Variants in NOTCH2NLR observed in about 807,000 individuals in gnomAD.
NOTCH2NLR encodes notch 2 N-terminal like R.
In NOTCH2NLR, 33 loss-of-function variants were observed where a neutral mutation model predicts 35.6. The ratio of observed to expected loss-of-function variants is 0.93; its 90% CI spans 0.70 to 1.24. The LOEUF is 1.24. Ranked by LOEUF, NOTCH2NLR falls within the 50% of genes most tolerant of loss-of-function variation. The probability of loss-of-function intolerance (pLI) is 0.00; values close to 1 mark genes in which losing one functional copy is unlikely to be tolerated. For missense variants in NOTCH2NLR, 276 were observed against 362.2 expected, an observed-to-expected ratio of 0.76 and a Z score of 1.93; for synonymous variants, 103 against 141.0, an observed-to-expected ratio of 0.73 and a Z score of 1.91.
chr1:120,763,480 G>A lies in NOTCH2NLR; in HGVS notation c.74-148G>A. On this transcript the variant is annotated intron_variant, in intron 1 of 4. Coordinates refer to ENST00000624419, the Ensembl canonical transcript of NOTCH2NLR. Reference sequence around the variant, plus strand: ...TTTGGGATGGGCTTCTGTGCTAGAAGCCAGAACATAAAAAACTGATTAAAA... The same window carrying A: ...TTTGGGATGGGCTTCTGTGCTAGAAACCAGAACATAAAAAACTGATTAAAA... The A allele has an allele frequency of 2.9e-5, 13 of 446,734 alleles. 2 individuals are homozygous for A. Among genetic ancestry groups the A allele is most frequent in the Non-Finnish European group, 3.2e-5 (8 of 252,684 alleles). 27.7% of individuals were successfully genotyped at this position (446,734 alleles called of 1,614,324 possible).
In NOTCH2NLR at chr1:120,726,855, T is replaced by C; in HGVS notation, c.73+2605T>C. Among the ~76,000 whole-genome samples the C allele has an allele frequency of 1.8e-5, 2 of 113,616 alleles. 1 individual carries two copies. The highest frequency in any genetic ancestry group is 3.4e-5 in the Non-Finnish European group (2 of 59,656). 74.5% of individuals were successfully genotyped at this position (113,616 alleles called of 152,430 possible). The stretch of plus-strand genomic sequence containing the variant: ...TATTTACCCATAACTTCTTGGGATC[T>C]CTCTGCTCCATTCCCACCCTACTGC... On this transcript the variant is annotated intron_variant, in intron 1 of 4. Transcript: ENST00000624419.
At chr1:120,726,404 TTTA>T (rs1483803930) in intron 1 of NOTCH2NLR, among the ~76,000 whole-genome samples, 1 of 61,026 alleles carries the variant, frequency 1.6e-5, no homozygotes. Context: ...ATCCTCCTAA[TTTA>T]TTATTGTGTT....
At chr1:120,724,048 G>A in exon 1 of NOTCH2NLR, 1 of 1,277,894 alleles carries the variant, frequency 7.8e-7, no homozygotes, top group Non-Finnish European at 9.9e-7. Flanking sequence ...TAGCGCCAGG[G>A]CCTGAGCCTT....
chr1:120,793,356 C>T lies in NOTCH2NLR; in HGVS notation c.611C>T (p.Ser204Phe). The change falls in exon 4 of 5, where the codon TCC becomes TTC. Residue 204 changes from serine to phenylalanine, a missense_variant. By Grantham distance (155) the Ser-to-Phe change is radical (BLOSUM62 -2). Coordinates refer to ENST00000624419, the Ensembl canonical transcript of NOTCH2NLR. ...GGCACCTGCCTCAACCTGCCTGGTT[C>T]CTACCAGTGCCAGTGCCTTCAGGGC... The T allele has an allele frequency of 1.4e-6, 2 of 1,421,498 alleles. 1 individual carries two copies. Among genetic ancestry groups the T allele is most frequent in the South Asian group, 2.4e-5 (2 of 82,568 alleles). The allele number at this position is 1,421,498 out of a possible 1,614,324, so 88.1% of individuals were successfully genotyped here. A position where few individuals can be genotyped will look rare whatever the true frequency, so the allele number is the denominator to read the frequency against.
In NOTCH2NLR at chr1:120,748,145, T is replaced by G. The variant is rs1215530300; in HGVS notation, c.74-15483T>G. Reference sequence around the variant, plus strand: ...TTTTTTTTTTTTTTTTTTTAAAGTCTTTCCACCTTAACTAGCAAGTAAGCT... The same window carrying G: ...TTTTTTTTTTTTTTTTTTTAAAGTCGTTCCACCTTAACTAGCAAGTAAGCT... On this transcript the variant is annotated intron_variant, in intron 1 of 4. Transcript: ENST00000624419. Among the ~76,000 whole-genome samples, 135 of 47,066 alleles carry G rather than the reference T, an allele frequency of 2.9e-3. 10 individuals carry two copies. The highest frequency in any genetic ancestry group is 0.02 in the African/African-American group (131 of 6,414). 30.9% of individuals were successfully genotyped at this position (47,066 alleles called of 152,430 possible).
intron 1 of NOTCH2NLR, among the ~76,000 whole-genome samples, chr1:120,730,495 G>C (rs1466679194): frequency 1.2e-5 from 1 of 81,768 alleles, no homozygotes; most frequent in Non-Finnish European, 2.1e-5. Context: ...GAAGGAAGTG[G>C]CTTCAGATCT....
At chr1:120,752,567 TTTTTTTTC>T (rs1651035047) in intron 1 of NOTCH2NLR, among the ~76,000 whole-genome samples, 1 of 29,492 alleles carries the variant, frequency 3.4e-5, no homozygotes, top group Non-Finnish European at 5.5e-5. Context: ...TTTTTTTTTT[TTTTTTTTC>T]TTTTTTTTTT....
intron 2 of NOTCH2NLR, among the ~76,000 whole-genome samples, chr1:120,765,693 C>T (rs1280949143): frequency 9.5e-6 from 1 of 105,686 alleles, no homozygotes; most frequent in Non-Finnish European, 1.9e-5. Context: ...GTGTTTACTG[C>T]AGCACTATTT....
rs1162009998 is a variant in NOTCH2NLR, at chr1:120,724,594, T to C, written c.73+344T>C. 1.7e-5 allele frequency among the ~76,000 whole-genome samples: 2 copies of C among 117,100 alleles called. 1 individual carries two copies. The highest frequency in any genetic ancestry group is 9.0e-5 in the African/African-American group (2 of 22,138). 76.8% of individuals were successfully genotyped at this position (117,100 alleles called of 152,430 possible). On this transcript the variant is annotated intron_variant, in intron 1 of 4. Transcript: ENST00000624419. ...TTTGCCCTTCAGGTTCCGCGTTTCT[T>C]GGGGTCGAGCGAGAGCCGACGGCGG...
intron 1 of NOTCH2NLR, among the ~76,000 whole-genome samples, chr1:120,754,632 T>C (rs1272528562): frequency 1.9e-5 from 2 of 102,986 alleles, no homozygotes; most frequent in Non-Finnish European, 3.6e-5. Context: ...TTTATTACTC[T>C]GTTTTCTATG....
At chr1:120,790,749 G>A (rs1167952350) in intron 3 of NOTCH2NLR, among the ~76,000 whole-genome samples, 7 of 110,154 alleles carry the variant, frequency 6.4e-5, no homozygotes, top group Non-Finnish European at 1.2e-4. Flanking sequence ...ACAGGTATGC[G>A]CTATGAAGCC....
At chr1:120,737,751 G>T (rs1389020347) in intron 1 of NOTCH2NLR, among the ~76,000 whole-genome samples, 3 of 125,632 alleles carry the variant, frequency 2.4e-5, no homozygotes, top group Non-Finnish European at 4.9e-5. Flanking sequence ...AATTGGATTA[G>T]CCTGGACTGG....
chr1:120,764,423 TA>T (rs1477698455), intron 2 of NOTCH2NLR, among the ~76,000 whole-genome samples: 3 of 93,332 alleles, frequency 3.2e-5, no homozygotes, highest in Non-Finnish European at 2.0e-5. Flanking sequence ...ATTATATTCA[TA>T]TTTTTTTCTA....
In NOTCH2NLR at chr1:120,784,008, G is replaced by A. The variant is rs1419650714; in HGVS notation, c.156-966G>A. On this transcript the variant is annotated intron_variant, in intron 2 of 4. Transcript: ENST00000624419. ...TAGAATTAAAGTTTTGTTGCAGAGGGATAAGTAAGAAGTAGATGGAAAAGA... is the reference window on the plus strand; with the variant it reads ...TAGAATTAAAGTTTTGTTGCAGAGGAATAAGTAAGAAGTAGATGGAAAAGA... 3.3e-4 allele frequency among the ~76,000 whole-genome samples: 37 copies of A among 112,710 alleles called. 6 individuals are homozygous for A. The East Asian group carries it at 7.6e-3, about 23-fold the overall frequency. The allele number at this position is 112,710 out of a possible 152,430, so 73.9% of individuals were successfully genotyped here. A position where few individuals can be genotyped will look rare whatever the true frequency, so the allele number is the denominator to read the frequency against.
chr1:120,724,037 G>A lies in NOTCH2NLR; in HGVS notation c.-141G>A. On this transcript the variant is annotated 5_prime_UTR_variant, in exon 1 of 5. Coordinates refer to ENST00000624419, the Ensembl canonical transcript of NOTCH2NLR. ...GGCATTTGCACCTGGGCTTCGGAGCGTAGCGCCAGGGCCTGAGCCTTTGAA... is the reference window on the plus strand; with the variant it reads ...GGCATTTGCACCTGGGCTTCGGAGCATAGCGCCAGGGCCTGAGCCTTTGAA... 3.2e-6 allele frequency: 4 copies of A among 1,251,084 alleles called. 1 individual carries two copies. Among genetic ancestry groups the A allele is most frequent in the Non-Finnish European group, 3.0e-6 (3 of 991,778 alleles). 77.5% of individuals were successfully genotyped at this position (1,251,084 alleles called of 1,614,324 possible).
chr1:120,778,593 T>C (rs1651326258), intron 2 of NOTCH2NLR, among the ~76,000 whole-genome samples: 1 of 28,678 alleles, frequency 3.5e-5, no homozygotes, highest in Non-Finnish European at 5.5e-5. Context: ...TTTTTTTGAA[T>C]GGCCAAATCC....
rs1453360528 is a variant in NOTCH2NLR, at chr1:120,791,360, C to T, written c.416-1801C>T. On this transcript the variant is annotated intron_variant, in intron 3 of 4. Transcript: ENST00000624419. ...GACACATGCACACGTATGTTTATTG[C>T]GGCACTATTCACAATAGCAAAGAGT... Among the ~76,000 whole-genome samples, 4 of 104,224 alleles carry T rather than the reference C, an allele frequency of 3.8e-5. 1 individual carries two copies. The highest frequency in any genetic ancestry group is 2.3e-4 in the East Asian group (1 of 4,330). The allele number at this position is 104,224 out of a possible 152,430, so 68.4% of individuals were successfully genotyped here.
chr1:120,745,196 G>T (rs1246097692), intron 1 of NOTCH2NLR, among the ~76,000 whole-genome samples: 1 of 109,734 alleles, frequency 9.1e-6, no homozygotes, highest in South Asian at 2.6e-4. Flanking sequence ...ATTCTTTACT[G>T]CACGCTTTAG....
At chr1:120,766,650 C>CA (rs1355615487) in intron 2 of NOTCH2NLR, among the ~76,000 whole-genome samples, 529 of 8,512 alleles carry the variant, frequency 0.062, 185 homozygotes, top group Non-Finnish European at 0.072. Context: ...ACTGTGTTTC[C>CA]AAAAAAAAAA....
Sources: allele counts gnomAD v4.1 joint callset (sites outside exome capture counted in the v4.1 genomes callset), GRCh38; gene constraint gnomAD v4.1.1; transcripts MANE v1.5; gene names NCBI Gene and HGNC (gene_info 2026-07-23, HGNC 2026-07-21).